Variants in EWSR1 observed in about 807,000 individuals in gnomAD.
EWSR1 encodes the protein RNA-binding protein EWS.
A neutral mutation model predicts 92.1 loss-of-function variants in EWSR1; 14 were observed. The observed-to-expected ratio is 0.15, with a 90% CI of 0.10 to 0.24. The LOEUF (loss-of-function observed/expected upper bound fraction) is 0.24, where lower values mean the gene tolerates loss of function less well. Ranked by LOEUF, EWSR1 falls within the 10% of genes least tolerant of loss-of-function variation. EWSR1 has a pLI of 1.00. For synonymous variants in EWSR1, 303 were observed against 292.9 expected (o/e 1.03, Z -0.35); for missense variants, 637 against 870.9 (o/e 0.73, Z 3.38).
At chr22:29,281,759 G>C (rs141896526) in intron 5 of EWSR1, among the ~76,000 whole-genome samples, 2,579 of 150,392 alleles carry the variant, frequency 0.017, 34 homozygotes, top group Non-Finnish European at 0.025. Context: ...TTTTTTTTTT[G>C]TATTTTTAGT....
chr22:29,286,067 T>TTGACCTCA (rs2060002309), intron 6 of EWSR1, among the ~76,000 whole-genome samples: 1 of 152,008 alleles, frequency 6.6e-6, no homozygotes, highest in Non-Finnish European at 1.5e-5. Flanking sequence ...TCTCGATCTC[T>TTGACCTCA]TGACCTCATG....
rs2058288391 is a variant in EWSR1, at chr22:29,268,325, G to A, written c.-12G>A. The A allele has an allele frequency of 6.2e-7, 1 of 1,614,030 alleles. No individual in the cohort carries two copies. Among genetic ancestry groups the A allele is most frequent in the South Asian group, 1.1e-5 (1 of 91,090 alleles). The stretch of plus-strand genomic sequence containing the variant: ...AGACGGACGTTGAGAGAACGAGGAG[G>A]AAGGAGAGAAAATGGCGTCCACGGG... On this transcript the variant is annotated 5_prime_UTR_variant, in exon 1 of 17. Transcript: ENST00000397938.
intron 1 of EWSR1, among the ~76,000 whole-genome samples, chr22:29,268,941 C>T (rs895967246): frequency 6.6e-6 from 1 of 152,248 alleles, no homozygotes; most frequent in African/African-American, 2.4e-5. Context: ...GCTTCCAGCC[C>T]CAAGCCGAAC....
intron 4 of EWSR1, chr22:29,274,208 A>C: frequency 6.3e-7 from 1 of 1,590,430 alleles, no homozygotes; most frequent in Non-Finnish European, 8.6e-7. Context: ...ACTGGTTTTC[A>C]CATGTTTGCT....
rs748442517 is a variant in EWSR1, at chr22:29,278,134, T to G, written c.331T>G (p.Ser111Ala). 6.2e-7 allele frequency: 1 copy of G among 1,614,034 alleles called. No individual in the cohort carries two copies. Among genetic ancestry groups the G allele is most frequent in the Non-Finnish European group, 8.5e-7 (1 of 1,180,028 alleles). ...TTATVTTTQA[S>A]YAAQSAYGTQ... ...TGCTACAGTCACCACCACCCAGGCC[T>G]CCTATGCAGCTCAGTCTGCATATGG... The change falls in exon 5 of 17, where the codon TCC (serine) becomes GCC (alanine). Residue 111 changes from serine to alanine, a missense_variant. Ser to Ala is a moderately conservative substitution (Grantham distance 99). Transcript: ENST00000397938.
At chr22:29,279,928 CCTT>C (rs2059429445) in intron 5 of EWSR1, among the ~76,000 whole-genome samples, 1 of 152,138 alleles carries the variant, frequency 6.6e-6, no homozygotes, top group Non-Finnish European at 1.5e-5. Context: ...GATAAGTCAT[CCTT>C]TTTTTTTCTT....
In EWSR1 at chr22:29,283,661, G is replaced by T. The variant is rs537704992; in HGVS notation, c.581+1104G>T. Among the ~76,000 whole-genome samples, 488 of 150,508 alleles carry T rather than the reference G, an allele frequency of 3.2e-3. 32 individuals are homozygous for T. The South Asian group carries it at 0.099, about 31-fold the overall frequency. Reference sequence around the variant, plus strand: ...CTGCTTCAGCCTCCTGAGTAGCTGGGATTACAAGTGCTCACTACCACACCT... The same window carrying T: ...CTGCTTCAGCCTCCTGAGTAGCTGGTATTACAAGTGCTCACTACCACACCT... On this transcript the variant is annotated intron_variant, in intron 6 of 16. Transcript: ENST00000397938.
chr22:29,273,200 A>G (rs1390165544), intron 3 of EWSR1, among the ~76,000 whole-genome samples: 1 of 152,234 alleles, frequency 6.6e-6, no homozygotes, highest in African/African-American at 2.4e-5. Flanking sequence ...GAGGACATAC[A>G]GCGTTCTGGT....
intron 14 of EWSR1, 108 bp from the exon 15 acceptor site, chr22:29,299,126 T>A: frequency 6.3e-7 from 1 of 1,593,710 alleles, no homozygotes; most frequent in South Asian, 1.1e-5. Flanking sequence ...AGCATGGGTG[T>A]ACATAGATCC....
intron 4 of EWSR1, chr22:29,277,350 G>A (rs977397968): frequency 3.1e-5 from 7 of 224,684 alleles, no homozygotes; most frequent in African/African-American, 1.6e-4. Flanking sequence ...CCTTTTAAAT[G>A]TTTGTTTGGA....
intron 4 of EWSR1, chr22:29,274,209 CAT>C (rs1381359537): frequency 1.4e-5 from 22 of 1,588,538 alleles, no homozygotes; most frequent in South Asian, 2.2e-5. Context: ...CTGGTTTTCA[CAT>C]GTTTGCTTCA....
chr22:29,282,680 T>A, intron 6 of EWSR1, 123 bp downstream of exon 6: 2 of 725,352 alleles, frequency 2.8e-6, no homozygotes, highest in East Asian at 6.5e-5. Context: ...TGATAAGTCA[T>A]CTGACCATAC....
intron 8 of EWSR1, chr22:29,290,828 A>C (rs1161807295): frequency 7.6e-6 from 3 of 395,744 alleles, no homozygotes; most frequent in Non-Finnish European, 1.1e-5. Context: ...CCTTTATTTA[A>C]TTTTAAAGAA....
intron 11 of EWSR1, among the ~76,000 whole-genome samples, chr22:29,293,879 G>A (rs174758): frequency 1 from 152,304 of 152,314 alleles, 76,147 homozygotes; most frequent in Middle Eastern, 1. Context: ...GTCTCTATTT[G>A]TTATTTTATT....
At chr22:29,295,944 C>G in intron 11 of EWSR1, 1 of 354,468 alleles carries the variant, frequency 2.8e-6, no homozygotes, top group South Asian at 3.9e-5. Flanking sequence ...TCAGTGGATA[C>G]CTGTCTGGGC....
chr22:29,284,032 C>G (rs1036866939), intron 6 of EWSR1, among the ~76,000 whole-genome samples: 1 of 151,298 alleles, frequency 6.6e-6, no homozygotes, highest in African/African-American at 2.5e-5. Context: ...CGGGGTTTCT[C>G]CATGTTGGTC....
chr22:29,279,440 T>C (rs1175357773), intron 5 of EWSR1, among the ~76,000 whole-genome samples: 4 of 152,194 alleles, frequency 2.6e-5, no homozygotes, highest in East Asian at 1.9e-4. Flanking sequence ...CTAAATATTA[T>C]AGGCAAATAA....
chr22:29,287,067 C>G lies in EWSR1; in HGVS notation c.726C>G (p.Pro242=), dbSNP rs1167639527. Residue 242 remains proline (P), a synonymous_variant, in exon 7 of 17, where the codon CCC becomes CCG. Coordinates refer to ENST00000397938, the MANE Select transcript of EWSR1 (RefSeq NM_005243.4). ...AGCAGCCTCCCACTAGTTACCCACCCCAAACTGGATCCTACAGCCAAGCTC... is the reference window on the plus strand; with the variant it reads ...AGCAGCCTCCCACTAGTTACCCACCGCAAACTGGATCCTACAGCCAAGCTC... ...YGQQPPTSYP[P]QTGSYSQAPS... is the part of the protein sequence containing the mutation. 2 of 1,613,992 alleles carry G rather than the reference C, an allele frequency of 1.2e-6. No individual in the cohort carries two copies. The highest frequency in any genetic ancestry group is 2.2e-5 in the South Asian group (2 of 91,074).
At chr22:29,284,057 C>T (rs2059828437) in intron 6 of EWSR1, among the ~76,000 whole-genome samples, 1 of 150,644 alleles carries the variant, frequency 6.6e-6, no homozygotes, top group South Asian at 2.1e-4. Flanking sequence ...TGGTCTTGAA[C>T]TCCCATCCTC....
Sources: allele counts gnomAD v4.1 joint callset (sites outside exome capture counted in the v4.1 genomes callset), GRCh38; gene constraint gnomAD v4.1.1; transcripts MANE v1.5; gene names NCBI Gene and HGNC (gene_info 2026-07-23, HGNC 2026-07-21).